The following UBOX5 variants were observed in gnomAD, a reference collection of about 807,000 sequenced individuals.
The protein encoded by UBOX5 is U-box domain containing 5, also known as RING finger protein 37.
Under a neutral mutation model 39.0 loss-of-function variants are expected in UBOX5, and 28 were observed. That is an observed-to-expected ratio of 0.72 (90% CI 0.53 to 0.98). UBOX5 has a LOEUF of 0.98. Among genes scored for constraint, UBOX5 ranks in the 50% least tolerant of loss-of-function variants. The probability of loss-of-function intolerance (pLI) is 0.00; values close to 1 mark genes in which losing one functional copy is unlikely to be tolerated. For missense variants in UBOX5, 585 were observed against 674.4 expected (o/e 0.87, Z 1.47); for synonymous variants, 283 against 275.5 (o/e 1.03, Z -0.27).
chr20:3,113,529 G>A (rs6139011), intron 4 of UBOX5, among the ~76,000 whole-genome samples: 2 of 151,788 alleles, frequency 1.3e-5, no homozygotes, highest in African/African-American at 4.9e-5. Flanking sequence ...AGGCGAGGAT[G>A]GGGGGATACC....
At chr20:3,120,727 C>T (rs1268884967) in intron 3 of UBOX5, among the ~76,000 whole-genome samples, 1 of 151,938 alleles carries the variant, frequency 6.6e-6, no homozygotes, top group Non-Finnish European at 1.5e-5. Flanking sequence ...GAAAAAAACA[C>T]AAAGAGAATA....
chr20:3,112,381 T>C (rs1057003885), intron 4 of UBOX5, among the ~76,000 whole-genome samples: 5 of 149,988 alleles, frequency 3.3e-5, no homozygotes, highest in Non-Finnish European at 7.4e-5. Context: ...AGAAGTCCCA[T>C]TAAAAGATCT....
chr20:3,141,979 C>T (rs1246996637), intron 1 of UBOX5, among the ~76,000 whole-genome samples: 4 of 151,950 alleles, frequency 2.6e-5, no homozygotes, highest in African/African-American at 9.7e-5. Context: ...TCCCACTGCA[C>T]TCCAGCCTGG....
rs2066221442 is a variant in UBOX5 at position 3,107,686 on chromosome 20, C to G, written c.*2420G>C. On this transcript the variant is annotated 3_prime_UTR_variant, in exon 5 of 5. Transcript: ENST00000217173. The surrounding 1 kb of genome is among the most constrained non-coding windows in gnomAD (Gnocchi z 5.0). ...AAGACCACTTCCTTTTGGGGGAAGTCTTTCAATTAAGAAAAACACACGCAA... is the reference window on the plus strand; with the variant it reads ...AAGACCACTTCCTTTTGGGGGAAGTGTTTCAATTAAGAAAAACACACGCAA... The G allele has an allele frequency of 6.6e-6, 1 of 152,220 alleles. No homozygotes were observed. Among genetic ancestry groups the G allele is most frequent in the South Asian group, 2.1e-4 (1 of 4,820 alleles). 9.4% of individuals were successfully genotyped at this position (152,220 alleles called of 1,614,324 possible).
intron 1 of UBOX5, among the ~76,000 whole-genome samples, chr20:3,155,067 A>G (rs55648947): frequency 7.8e-6 from 1 of 128,798 alleles, no homozygotes. Context: ...AAAAAAAAAA[A>G]AAAAAGAAAA....
In UBOX5 at chr20:3,108,777, A is replaced by T. The variant is rs947710294; in HGVS notation, c.*1329T>A. Reference sequence around the variant, plus strand: ...GCAAGACCTTGTCTCTACAAAAAATAAAAAAATTAGCTGGGCATGGTGGCA... The same window carrying T: ...GCAAGACCTTGTCTCTACAAAAAATTAAAAAATTAGCTGGGCATGGTGGCA... On this transcript the variant is annotated 3_prime_UTR_variant, in exon 5 of 5. Transcript: ENST00000217173. The T allele has an allele frequency of 6.6e-6, 1 of 152,090 alleles. No homozygotes were observed. Among genetic ancestry groups the T allele is most frequent in the Non-Finnish European group, 1.5e-5 (1 of 68,062 alleles). The allele number at this position is 152,090 out of a possible 1,614,324, so 9.4% of individuals were successfully genotyped here.
chr20:3,152,333 T>G (rs943467600), intron 1 of UBOX5, among the ~76,000 whole-genome samples: 3 of 151,176 alleles, frequency 2.0e-5, no homozygotes, highest in African/African-American at 4.9e-5. Flanking sequence ...TACAAAAAAT[T>G]AGCCAGGCGT....
intron 3 of UBOX5, among the ~76,000 whole-genome samples, chr20:3,119,191 C>A (rs1050001571): frequency 1.1e-4 from 17 of 152,206 alleles, no homozygotes; most frequent in African/African-American, 3.9e-4. Flanking sequence ...CGCACAGCTC[C>A]CACACAGTAC....
intron 1 of UBOX5, chr20:3,147,391 T>C (rs748774999): frequency 6.2e-7 from 1 of 1,614,232 alleles, no homozygotes; most frequent in Admixed American, 1.7e-5. Context: ...AGACAGTTTC[T>C]AAGAATTCAG....
Position 3,109,944 on chromosome 20 carries a change from A to G in UBOX5, c.*162T>C. The G allele has an allele frequency of 1.3e-6, 1 of 788,914 alleles. No individual in the cohort carries two copies. Among genetic ancestry groups the G allele is most frequent in the South Asian group, 1.8e-5 (1 of 56,722 alleles). The allele number at this position is 788,914 out of a possible 1,614,324, so 48.9% of individuals were successfully genotyped here. ...TTTGTTGCCCTATTGCCACCAGCGC[A>G]GAAGCAATGTGCTATACCGTGAGGT... On this transcript the variant is annotated 3_prime_UTR_variant, in exon 5 of 5. Transcript: ENST00000217173.
At chr20:3,148,304 C>A (rs774251244) in intron 1 of UBOX5, 2 of 1,612,828 alleles carry the variant, frequency 1.2e-6, no homozygotes, top group South Asian at 1.1e-5. Context: ...AGGTACTTTG[C>A]GGCCTAAGTA....
intron 4 of UBOX5, among the ~76,000 whole-genome samples, chr20:3,113,277 A>G (rs1267980571): frequency 6.7e-6 from 1 of 149,418 alleles, no homozygotes; most frequent in African/African-American, 2.5e-5. Flanking sequence ...AACAGAGCGA[A>G]ACAGAGCAAG....
chr20:3,109,561 G>A lies in UBOX5; in HGVS notation c.*545C>T, dbSNP rs977236531. On this transcript the variant is annotated 3_prime_UTR_variant, in exon 5 of 5. Coordinates refer to ENST00000217173, the MANE Select transcript of UBOX5 (RefSeq NM_014948.4). ...TCCACTTGTGTGGGTGCAGGTGGGC[G>A]ACAGGAGTGTGTGACACAGACAGGC... 5 of 166,938 alleles carry A rather than the reference G, an allele frequency of 3.0e-5. No individual in the cohort carries two copies. The highest frequency in any genetic ancestry group is 6.6e-5 in the Non-Finnish European group (5 of 75,630). The allele number at this position is 166,938 out of a possible 1,614,324, so 10.3% of individuals were successfully genotyped here. A position where few individuals can be genotyped will look rare whatever the true frequency, so the allele number is the denominator to read the frequency against.
chr20:3,123,168 A>G, intron 2 of UBOX5, 144 bp downstream of exon 2: 1 of 804,632 alleles, frequency 1.2e-6, no homozygotes, highest in Non-Finnish European at 2.0e-6. Flanking sequence ...CCCCATGCTT[A>G]CCTAAATACC....
rs754469808 is a variant in UBOX5, at chr20:3,142,709, G to A, written c.-42+17057C>T. 2.3e-4 allele frequency among the ~76,000 whole-genome samples: 34 copies of A among 146,026 alleles called. 1 individual carries two copies. The East Asian group carries it at 6.6e-3, about 28-fold the overall frequency. On this transcript the variant is annotated intron_variant, in intron 1 of 4. Coordinates refer to ENST00000217173, the MANE Select transcript of UBOX5 (RefSeq NM_014948.4). ...AATCGCTTGTACCTGGGTGGCAGAA[G>A]CTGCAGTGAGCAGAGATCACGCTAC...
intron 1 of UBOX5, chr20:3,148,885 G>C (rs2066596482): frequency 1.2e-6 from 2 of 1,614,200 alleles, no homozygotes; most frequent in Non-Finnish European, 8.5e-7. Context: ...GAGAAGAGAA[G>C]GTGCTACATA....
intron 1 of UBOX5, among the ~76,000 whole-genome samples, chr20:3,129,428 T>G (rs1386098034): frequency 1.3e-5 from 2 of 152,048 alleles, no homozygotes; most frequent in African/African-American, 4.8e-5. Context: ...GACACCAGAG[T>G]AGCAGGACAT....
chr20:3,136,953 T>G (rs1343320070), intron 1 of UBOX5, among the ~76,000 whole-genome samples: 2 of 130,314 alleles, frequency 1.5e-5, no homozygotes, highest in African/African-American at 5.9e-5. Context: ...CTGCACCCAG[T>G]CCCTGTTTTT....
At chr20:3,121,035 A>G (rs2066331047) in intron 3 of UBOX5, among the ~76,000 whole-genome samples, 1 of 152,178 alleles carries the variant, frequency 6.6e-6, no homozygotes. Flanking sequence ...CTCTGACCAG[A>G]GGCTTCAAGC....
Sources: allele counts gnomAD v4.1 joint callset (sites outside exome capture counted in the v4.1 genomes callset), GRCh38; gene constraint gnomAD v4.1.1; non-coding constraint Gnocchi (gnomAD v3.1); transcripts MANE v1.5; gene names NCBI Gene and HGNC (gene_info 2026-07-23, HGNC 2026-07-21).